PLEKHH1: variants seen among roughly 807,000 people sequenced by gnomAD.
PLEKHH1 encodes the protein pleckstrin homology, MyTH4 and FERM domain containing H1, also known as pleckstrin homology domain-containing family H member 1.
In PLEKHH1, 104 loss-of-function variants were observed where a neutral mutation model predicts 160.0. That is an observed-to-expected ratio of 0.65 (90% CI 0.55 to 0.76). The LOEUF is 0.76. Ranked by LOEUF, PLEKHH1 falls within the 30% of genes least tolerant of loss-of-function variation. PLEKHH1 has a pLI of 0.00. For missense variants in PLEKHH1, 1,427 were observed against 1,724.1 expected (o/e 0.83, Z 3.05); for synonymous variants, 619 against 678.4 (o/e 0.91, Z 1.36).
rs1431698092 is a variant in PLEKHH1, at chr14:67,572,213, CAG to C, written c.1667_1668del (p.Glu556AlafsTer2). On this transcript the variant is annotated frameshift_variant, in exon 11 of 29. Transcript: ENST00000329153. LOFTEE classifies it high-confidence loss of function. ...GCCTGCTCACTGGACAGTGACTACT[CAG>C]AGCCTGAGCACAAACTGCAGCGCAC... The C allele has an allele frequency of 2.5e-6, 4 of 1,609,124 alleles. No homozygotes were observed. The highest frequency in any genetic ancestry group is 3.4e-6 in the Non-Finnish European group (4 of 1,178,116).
At chr14:67,549,114 G>A (rs374465770) in intron 2 of PLEKHH1, among the ~76,000 whole-genome samples, 1 of 152,188 alleles carries the variant, frequency 6.6e-6, no homozygotes, top group Admixed American at 6.5e-5. Context: ...ATACAAGGAT[G>A]AGTTGGAAGT....
chr14:67,584,215 A>C, intron 26 of PLEKHH1, 91 bp downstream of exon 26: 1 of 1,333,348 alleles, frequency 7.5e-7, no homozygotes, highest in African/African-American at 1.4e-5. Context: ...CCCTACCTCC[A>C]TACCAGTAAC....
At chr14:67,561,717 G>A (rs917646006) in intron 5 of PLEKHH1, among the ~76,000 whole-genome samples, 4 of 150,942 alleles carry the variant, frequency 2.7e-5, no homozygotes, top group East Asian at 3.9e-4. Context: ...AAAAATAAAC[G>A]AAATTAACTG....
Position 67,584,084 on chromosome 14 carries a change from G to A in PLEKHH1, c.3659G>A (p.Arg1220Lys), listed in dbSNP as rs1410570264. The change falls in exon 26 of 29, where the codon AGG becomes AAG. Residue 1220 changes from arginine to lysine, a missense_variant. This residue lies in a region of PLEKHH1 where 4 missense variants were observed against 16.8 expected (regional missense o/e 0.24). Transcript: ENST00000329153. Reference protein sequence around the residue: ...ECIRIYLTVARKWPFFGAKLF... With the variant: ...ECIRIYLTVAKKWPFFGAKLF... Reference sequence around the variant, plus strand: ...ATCCGCATCTACCTGACCGTGGCCAGGAAATGGCCTTTCTTTGGTGCTAAA... The same window carrying A: ...ATCCGCATCTACCTGACCGTGGCCAAGAAATGGCCTTTCTTTGGTGCTAAA... 1 of 1,614,012 alleles carries A rather than the reference G, an allele frequency of 6.2e-7. No homozygotes were observed. Among genetic ancestry groups the A allele is most frequent in the Non-Finnish European group, 8.5e-7 (1 of 1,179,902 alleles).
intron 1 of PLEKHH1, among the ~76,000 whole-genome samples, chr14:67,534,131 A>G (rs1007423955): frequency 3.9e-5 from 6 of 152,224 alleles, no homozygotes; most frequent in African/African-American, 2.4e-5. Context: ...GAGAATTATC[A>G]GTTCCTTCAT....
chr14:67,573,454 G>T lies in PLEKHH1; in HGVS notation c.1839+68G>T. 2 of 1,048,272 alleles carry T rather than the reference G, an allele frequency of 1.9e-6. No individual in the cohort carries two copies. Among genetic ancestry groups the T allele is most frequent in the South Asian group, 1.3e-5 (1 of 75,150 alleles). The allele number at this position is 1,048,272 out of a possible 1,614,324, so 64.9% of individuals were successfully genotyped here. Reference sequence around the variant, plus strand: ...CATCACACCCTGGACTATGTCAGATGGGACGGAGGAGGGGGAATGTGGCCC... The same window carrying T: ...CATCACACCCTGGACTATGTCAGATTGGACGGAGGAGGGGGAATGTGGCCC... On this transcript the variant is annotated intron_variant, in intron 12 of 28. Coordinates refer to ENST00000329153, the MANE Select transcript of PLEKHH1 (RefSeq NM_020715.3). This position sits in a 1 kb window ranked among gnomAD's most constrained non-coding sequence, Gnocchi z 4.8.
At chr14:67,536,216 C>T (rs1366024355) in intron 1 of PLEKHH1, among the ~76,000 whole-genome samples, 1 of 151,562 alleles carries the variant, frequency 6.6e-6, no homozygotes, top group East Asian at 1.9e-4. Flanking sequence ...ATGTAGGCAC[C>T]CAGCAGTGGC....
rs183968646 is a variant in PLEKHH1, at chr14:67,573,302, G to A, written c.1755G>A (p.Leu585=). 8.2e-5 allele frequency: 133 copies of A among 1,613,316 alleles called. 1 individual carries two copies. In the African/African-American group the frequency reaches 1.3e-3, roughly 16 times the overall value. ...GGESLEKSGY[L]LKMGSQVKTW... ...AGTCACTGGAGAAGTCGGGCTACCT[G>A]CTGAAAATGGGGAGCCAGGTGAAGA... Residue 585 remains leucine, a synonymous_variant, in exon 12 of 29, where the codon CTG becomes CTA. Transcript: ENST00000329153. This position sits in a 1 kb window ranked among gnomAD's most constrained non-coding sequence, Gnocchi z 4.8.
intron 27 of PLEKHH1, 46 bp downstream of exon 27, chr14:67,585,700 C>T (rs1410222991): frequency 7.4e-7 from 1 of 1,358,592 alleles, no homozygotes; most frequent in African/African-American, 1.4e-5. Context: ...TCTTCCTCAA[C>T]ATGGTCTTTT....
In PLEKHH1 at chr14:67,587,169, G is replaced by A. The variant is rs1349712049; in HGVS notation, c.4029G>A (p.Trp1343Ter). 1.2e-6 allele frequency: 2 copies of A among 1,613,920 alleles called. No homozygotes were observed. The highest frequency in any genetic ancestry group is 2.2e-5 in the East Asian group (1 of 44,884). ...PTNPPGACQL[W>*]ELDGRQFFSS... ...ACCCACCCGGAGCCTGCCAGCTGTG[G>A]GAACTGGATGGACGACAGTTCTTTT... Residue 1343 changes from tryptophan to a stop codon, truncating the protein, a stop_gained, in exon 29 of 29, where the codon TGG (tryptophan) becomes TGA (stop). Transcript: ENST00000329153. LOFTEE classifies it high-confidence loss of function.
At chr14:67,537,301 A>G (rs1319829682) in intron 1 of PLEKHH1, among the ~76,000 whole-genome samples, 2 of 148,564 alleles carry the variant, frequency 1.3e-5, no homozygotes, top group Admixed American at 1.3e-4. Context: ...CCGAGATTGC[A>G]CCATTGTACT....
chr14:67,576,523 C>CCTTGCCTT lies in PLEKHH1; in HGVS notation c.2461+20_2461+21insCTTGCCTT. 8.0e-7 allele frequency: 1 copy of CCTTGCCTT among 1,245,950 alleles called. No homozygotes were observed. Among genetic ancestry groups the CCTTGCCTT allele is most frequent in the Non-Finnish European group, 1.2e-6 (1 of 844,970 alleles). The allele number at this position is 1,245,950 out of a possible 1,614,324, so 77.2% of individuals were successfully genotyped here. On this transcript the variant is annotated intron_variant, in intron 17 of 28. Coordinates refer to ENST00000329153, the MANE Select transcript of PLEKHH1 (RefSeq NM_020715.3). This position sits in a 1 kb window ranked among gnomAD's most constrained non-coding sequence, Gnocchi z 4.0. ...ATCCAGGTAAGGCAAGGGTGGCCAC[C>CCTTGCCTT]ACTGCTTGGGTTGGAGGGTAGTGGC...
At chr14:67,575,510 T>G in intron 15 of PLEKHH1, 38 bp downstream of exon 15, 2 of 1,312,114 alleles carry the variant, frequency 1.5e-6, no homozygotes, top group Non-Finnish European at 2.2e-6. Flanking sequence ...ACTCTCCTGC[T>G]TCCCCCGAAG....
intron 1 of PLEKHH1, among the ~76,000 whole-genome samples, chr14:67,533,933 G>A (rs915385685): frequency 2.9e-4 from 44 of 152,194 alleles, no homozygotes; most frequent in Admixed American, 2.1e-3. Flanking sequence ...AGGAACCAGG[G>A]GCCTTAGTGG....
chr14:67,541,903 A>G lies in PLEKHH1; in HGVS notation c.36A>G (p.Val12=). The change falls in exon 2 of 29, where the codon GTA becomes GTG. Residue 12 remains valine, a synonymous_variant. Transcript: ENST00000329153. ...TCAAGGTGGAGGCGCCGGCCAGCGT[A>G]GACTGGCAGAAACGCTGCCTGACCC... The part of the protein sequence containing the change: ...AELKVEAPAS[V]DWQKRCLTLE... 1 of 1,604,530 alleles carries G rather than the reference A, an allele frequency of 6.2e-7. No individual in the cohort carries two copies. Among genetic ancestry groups the G allele is most frequent in the Non-Finnish European group, 8.5e-7 (1 of 1,175,632 alleles).
At chr14:67,563,086 G>C (rs1346753609) in intron 7 of PLEKHH1, among the ~76,000 whole-genome samples, 192 bp downstream of exon 7, 2 of 152,250 alleles carry the variant, frequency 1.3e-5, no homozygotes, top group Non-Finnish European at 2.9e-5. Context: ...AGAATGATGT[G>C]AATGGCGGTT....
chr14:67,581,040 T>C lies in PLEKHH1; in HGVS notation c.3284+2T>C, dbSNP rs755049999. 6.3e-7 allele frequency: 1 copy of C among 1,590,472 alleles called. No individual in the cohort carries two copies. Among genetic ancestry groups the C allele is most frequent in the Non-Finnish European group, 8.6e-7 (1 of 1,158,562 alleles). ...CGTGAAGCTGATGTACAAGAACAGG[T>C]CCTAAGCACTGCACGAGGGTGGGGC... On this transcript the variant is annotated splice_donor_variant, in intron 23 of 28. Transcript: ENST00000329153. LOFTEE classifies it high-confidence loss of function.
At position 67,569,918 on chromosome 14, in the gene PLEKHH1, C is replaced by T; in HGVS notation, c.1343-3C>T. ...TAATCTCATTCCTCTCTTCCCTGCT[C>T]AGCTTCAAGCCCTCCTGCCCTTGTT... On this transcript the variant is annotated splice_region_variant and splice_polypyrimidine_tract_variant and intron_variant, in intron 8 of 28. Coordinates refer to ENST00000329153, the MANE Select transcript of PLEKHH1 (RefSeq NM_020715.3). 6.3e-7 allele frequency: 1 copy of T among 1,596,818 alleles called. No homozygotes were observed. The highest frequency in any genetic ancestry group is 8.6e-7 in the Non-Finnish European group (1 of 1,167,146).
Position 67,582,331 on chromosome 14 carries a change from C to T in PLEKHH1, c.3426+121C>T. 6.5e-7 allele frequency: 1 copy of T among 1,532,052 alleles called. No individual in the cohort carries two copies. The highest frequency in any genetic ancestry group is 1.2e-5 in the South Asian group (1 of 84,106). 94.9% of individuals were successfully genotyped at this position (1,532,052 alleles called of 1,614,324 possible). A position where few individuals can be genotyped will look rare whatever the true frequency, so the allele number is the denominator to read the frequency against. ...TGGTGCTCAGGAGAGGGCAGCTTTG[C>T]CATCTCTGGGATGGAAAGCAGCTGA... On this transcript the variant is annotated intron_variant, in intron 24 of 28. Coordinates refer to ENST00000329153, the MANE Select transcript of PLEKHH1 (RefSeq NM_020715.3). This position sits in a 1 kb window ranked among gnomAD's most constrained non-coding sequence, Gnocchi z 5.0.
Sources: allele counts gnomAD v4.1 joint callset (sites outside exome capture counted in the v4.1 genomes callset), GRCh38; gene constraint gnomAD v4.1.1; regional missense constraint gnomAD v4.1.1; non-coding constraint Gnocchi (gnomAD v3.1); transcripts MANE v1.5; gene names NCBI Gene and HGNC (gene_info 2026-07-23, HGNC 2026-07-21).